The following ADAMTS2 variants were observed in gnomAD, a reference collection of about 807,000 sequenced individuals.
The protein encoded by ADAMTS2 is ADAM metallopeptidase with thrombospondin type 1 motif 2, also known as A disintegrin and metalloproteinase with thrombospondin motifs 2.
Under a neutral mutation model 123.0 loss-of-function variants are expected in ADAMTS2, and 50 were observed. The observed-to-expected ratio is 0.41, with a 90% CI of 0.32 to 0.51. The LOEUF is 0.51. Ranked by LOEUF, ADAMTS2 falls within the 20% of genes least tolerant of loss-of-function variation. The pLI, the probability that ADAMTS2 is intolerant of heterozygous loss-of-function variation, is 0.35. For synonymous variants in ADAMTS2, 678 were observed against 695.4 expected (o/e 0.98, Z 0.39); for missense variants, 1,494 against 1,705.2 (o/e 0.88, Z 2.18).
chr5:179,319,502 A>G (rs1185861670), intron 2 of ADAMTS2, among the ~76,000 whole-genome samples: 1 of 152,072 alleles, frequency 6.6e-6, no homozygotes, highest in Non-Finnish European at 1.5e-5. Flanking sequence ...ACATTTGCAC[A>G]CATGCATCAC....
chr5:179,151,147 T>C, intron 10 of ADAMTS2: 1 of 381,704 alleles, frequency 2.6e-6, no homozygotes, highest in Non-Finnish European at 5.5e-6. Context: ...TCCACCTACC[T>C]TGGCCTCCCA....
rs1407385696 is a variant in ADAMTS2, at chr5:179,130,574, G to A, written c.2291-476C>T. On this transcript the variant is annotated intron_variant, in intron 15 of 21. Coordinates refer to ENST00000251582, the MANE Select transcript of ADAMTS2 (RefSeq NM_014244.5). The surrounding 1 kb of genome is among the most constrained non-coding windows in gnomAD (Gnocchi z 4.3). ...AAACAGCAGAACCCCCACCCCATCA[G>A]GGACCATGGCCCAGCCGAGGCCCCA... 1.3e-5 allele frequency among the ~76,000 whole-genome samples: 2 copies of A among 152,156 alleles called. No individual in the cohort carries two copies. Among genetic ancestry groups the A allele is most frequent in the African/African-American group, 4.8e-5 (2 of 41,436 alleles).
At chr5:179,296,674 G>A (rs936467605) in intron 2 of ADAMTS2, among the ~76,000 whole-genome samples, 1 of 152,180 alleles carries the variant, frequency 6.6e-6, no homozygotes, top group African/African-American at 2.4e-5. Context: ...CAGAGGGCAG[G>A]AGGGAGAGGC....
chr5:179,317,415 C>T lies in ADAMTS2; in HGVS notation c.534+26352G>A, dbSNP rs1554097667. Among the ~76,000 whole-genome samples, 1 of 152,192 alleles carries T rather than the reference C, an allele frequency of 6.6e-6. No homozygotes were observed. Among genetic ancestry groups the T allele is most frequent in the Non-Finnish European group, 1.5e-5 (1 of 68,032 alleles). Reference sequence around the variant, plus strand: ...TGTCACCAACACAACAGGAAAGGAGCTTGAAGACCCAGGAGGCCACAGCAC... The same window carrying T: ...TGTCACCAACACAACAGGAAAGGAGTTTGAAGACCCAGGAGGCCACAGCAC... On this transcript the variant is annotated intron_variant, in intron 2 of 21. Coordinates refer to ENST00000251582, the MANE Select transcript of ADAMTS2 (RefSeq NM_014244.5). The surrounding 1 kb of genome is among the most constrained non-coding windows in gnomAD (Gnocchi z 4.9).
intron 4 of ADAMTS2, among the ~76,000 whole-genome samples, chr5:179,195,119 C>T (rs555558542): frequency 1.3e-5 from 2 of 152,338 alleles, no homozygotes; most frequent in Admixed American, 6.5e-5. Context: ...GGTGTAATCA[C>T]GTGTCCTGAT....
Position 179,157,197 on chromosome 5 carries a change from G to A in ADAMTS2, c.1132+1526C>T, listed in dbSNP as rs555816595. ...ACTCCTGACCTCAAGTGATCCGCCC[G>A]CCTTGGCCTCCCAAAGTGCTGGGAT... On this transcript the variant is annotated intron_variant, in intron 6 of 21. Coordinates refer to ENST00000251582, the MANE Select transcript of ADAMTS2 (RefSeq NM_014244.5). Among the ~76,000 whole-genome samples the A allele has an allele frequency of 3.9e-5, 6 of 152,190 alleles. No individual in the cohort carries two copies. The South Asian group carries it at 6.2e-4, about 16-fold the overall frequency.
At chr5:179,218,657 TG>T (rs1454595775) in intron 3 of ADAMTS2, among the ~76,000 whole-genome samples, 1 of 152,164 alleles carries the variant, frequency 6.6e-6, no homozygotes, top group Non-Finnish European at 1.5e-5. Flanking sequence ...GAGGGGCTCC[TG>T]GGGCCGGCCT....
At chr5:179,334,014 C>CTCAGAGCA (rs1454281762) in intron 2 of ADAMTS2, among the ~76,000 whole-genome samples, 2 of 152,180 alleles carry the variant, frequency 1.3e-5, no homozygotes, top group Admixed American at 6.5e-5. Flanking sequence ...GTGCCACCAC[C>CTCAGAGCA]TCAGAGCAGC....
intron 5 of ADAMTS2, among the ~76,000 whole-genome samples, chr5:179,164,723 G>T (rs188522460): frequency 6.6e-5 from 10 of 152,196 alleles, no homozygotes; most frequent in Admixed American, 1.3e-4. Context: ...GTCCCAAGCC[G>T]TAGCTGGGAC....
In ADAMTS2 at chr5:179,137,815, C is replaced by T; in HGVS notation, c.1905G>A (p.Glu635=). ...EQCRQWDLYF[E]HGDAQHHWLP... ...GCCAGTGGTGCTGGGCGTCGCCGTGCTCGAAGTACAGGTCCCACTGGCGGC... is the reference window on the plus strand; with the variant it reads ...GCCAGTGGTGCTGGGCGTCGCCGTGTTCGAAGTACAGGTCCCACTGGCGGC... The change falls in exon 12 of 22, where the codon GAG becomes GAA. Residue 635 remains glutamate, a synonymous_variant. Coordinates refer to ENST00000251582, the MANE Select transcript of ADAMTS2 (RefSeq NM_014244.5). 2 of 1,580,250 alleles carry T rather than the reference C, an allele frequency of 1.3e-6. No individual in the cohort carries two copies. The highest frequency in any genetic ancestry group is 8.6e-7 in the Non-Finnish European group (1 of 1,165,016).
chr5:179,113,769 G>T lies in ADAMTS2; in HGVS notation c.*98C>A, dbSNP rs556710856. ...GTTTTCTCAAAACCTTTTGGAATCA[G>T]GAATTTTGACTTCATCTCCATGACA... is the stretch of plus-strand genomic sequence containing the variant. On this transcript the variant is annotated 3_prime_UTR_variant, in exon 22 of 22. Transcript: ENST00000251582. 86 of 1,274,912 alleles carry T rather than the reference G, an allele frequency of 6.7e-5. 3 individuals are homozygous for T. In the South Asian group the frequency reaches 9.4e-4, roughly 14 times the overall value. 79.0% of individuals were successfully genotyped at this position (1,274,912 alleles called of 1,614,324 possible).
At position 179,153,662 on chromosome 5, in the gene ADAMTS2, C is replaced by T. The variant is rs201484859; in HGVS notation, c.1383-39G>A. On this transcript the variant is annotated intron_variant, in intron 8 of 21. Coordinates refer to ENST00000251582, the MANE Select transcript of ADAMTS2 (RefSeq NM_014244.5). ...ACGGTGCCGCGAGCAGCCTTCAGCG[C>T]GGCTGACCATCCACAGCCCTGGAGG... 2.3e-4 allele frequency: 360 copies of T among 1,580,454 alleles called. 3 individuals carry two copies. The East Asian group carries it at 5.4e-3, about 24-fold the overall frequency.
At position 179,132,167 on chromosome 5, in the gene ADAMTS2, T is replaced by C. The variant is rs1034954704; in HGVS notation, c.2290+63A>G. ...CCCTGACCCCTGACCCCTGGCACTCTGCCCATTGATCCCAGAGGAGCCAGG... is the reference window on the plus strand; with the variant it reads ...CCCTGACCCCTGACCCCTGGCACTCCGCCCATTGATCCCAGAGGAGCCAGG... On this transcript the variant is annotated intron_variant, in intron 15 of 21. Coordinates refer to ENST00000251582, the MANE Select transcript of ADAMTS2 (RefSeq NM_014244.5). The surrounding 1 kb of genome is among the most constrained non-coding windows in gnomAD (Gnocchi z 6.1). The C allele has an allele frequency of 6.5e-7, 1 of 1,528,976 alleles. No individual in the cohort carries two copies. The highest frequency in any genetic ancestry group is 9.0e-7 in the Non-Finnish European group (1 of 1,106,708). The allele number at this position is 1,528,976 out of a possible 1,614,324, so 94.7% of individuals were successfully genotyped here. A position where few individuals can be genotyped will look rare whatever the true frequency, so the allele number is the denominator to read the frequency against.
chr5:179,286,031 T>C (rs1472377486), intron 2 of ADAMTS2, among the ~76,000 whole-genome samples: 2 of 151,876 alleles, frequency 1.3e-5, no homozygotes, highest in African/African-American at 2.4e-5. Flanking sequence ...CTGGGCAACA[T>C]GGTGAAACCC....
In ADAMTS2 at chr5:179,312,650, G is replaced by T. The variant is rs901343216; in HGVS notation, c.534+31117C>A. Among the ~76,000 whole-genome samples, 5 of 152,362 alleles carry T rather than the reference G, an allele frequency of 3.3e-5. No homozygotes were observed. Among genetic ancestry groups the T allele is most frequent in the African/African-American group, 1.2e-4 (5 of 41,590 alleles). Reference sequence around the variant, plus strand: ...GGCAGAGCAAGATGAGCCAGGCAGAGGAGAAGGCCACGTACAGGCAGAGCA... The same window carrying T: ...GGCAGAGCAAGATGAGCCAGGCAGATGAGAAGGCCACGTACAGGCAGAGCA... On this transcript the variant is annotated intron_variant, in intron 2 of 21. Transcript: ENST00000251582. The surrounding 1 kb of genome is among the most constrained non-coding windows in gnomAD (Gnocchi z 4.2).
chr5:179,217,054 G>A (rs757805982), intron 3 of ADAMTS2, among the ~76,000 whole-genome samples: 13 of 152,242 alleles, frequency 8.5e-5, no homozygotes, highest in Non-Finnish European at 1.6e-4. Context: ...ACTTGCACAG[G>A]TCTGTAAGGA....
intron 13 of ADAMTS2, among the ~76,000 whole-genome samples, chr5:179,134,706 A>C (rs62396128): frequency 6.6e-6 from 1 of 150,604 alleles, no homozygotes; most frequent in East Asian, 2.0e-4. Context: ...AATGCAGAGC[A>C]GCCCTCGAGC....
chr5:179,236,134 C>T (rs190336892), intron 3 of ADAMTS2, among the ~76,000 whole-genome samples: 11 of 152,334 alleles, frequency 7.2e-5, no homozygotes, highest in South Asian at 2.1e-4. Context: ...AGGTCAGCTC[C>T]GCTCCCAGGC....
intron 5 of ADAMTS2, among the ~76,000 whole-genome samples, chr5:179,163,967 C>T (rs1266673121): frequency 1.3e-5 from 2 of 152,044 alleles, no homozygotes; most frequent in East Asian, 3.9e-4. Flanking sequence ...TGCACTGGGG[C>T]CAGGGGAGCC....
Sources: allele counts gnomAD v4.1 joint callset (sites outside exome capture counted in the v4.1 genomes callset), GRCh38; gene constraint gnomAD v4.1.1; non-coding constraint Gnocchi (gnomAD v3.1); transcripts MANE v1.5; gene names NCBI Gene and HGNC (gene_info 2026-07-23, HGNC 2026-07-21).